TRPV4: variants seen among roughly 807,000 people sequenced by gnomAD.
TRPV4 encodes OSM9-like transient receptor potential channel 4.
A neutral mutation model predicts 84.1 loss-of-function variants in TRPV4; 58 were observed. The ratio of observed to expected loss-of-function variants is 0.69; its 90% CI spans 0.56 to 0.86. The LOEUF (loss-of-function observed/expected upper bound fraction) is 0.86. TRPV4 is among the 40% of genes least tolerant of loss of function. The pLI is 0.00. For missense variants in TRPV4, 879 were observed against 1,181.1 expected (o/e 0.74, Z 3.75); for synonymous variants, 489 against 500.9 (o/e 0.98, Z 0.32).
intron 14 of TRPV4, among the ~76,000 whole-genome samples, chr12:109,785,201 G>A (rs1312708651): frequency 1.3e-5 from 2 of 151,462 alleles, no homozygotes; most frequent in African/African-American, 4.9e-5. Flanking sequence ...TTTTAAAAAC[G>A]TTTTGTAGAG....
At chr12:109,818,943 G>A (rs929049227) in intron 1 of TRPV4, among the ~76,000 whole-genome samples, 5 of 152,092 alleles carry the variant, frequency 3.3e-5, no homozygotes, top group East Asian at 1.9e-4. Flanking sequence ...CTAAGGAAAC[G>A]GAGGCTCTGA....
At chr12:109,805,422 CAG>C (rs1293824338) in intron 3 of TRPV4, among the ~76,000 whole-genome samples, 2 of 152,172 alleles carry the variant, frequency 1.3e-5, no homozygotes, top group Non-Finnish European at 2.9e-5. Context: ...AGCATCTTCC[CAG>C]AGATGAGGTG....
intron 1 of TRPV4, among the ~76,000 whole-genome samples, chr12:109,818,765 C>T (rs1413297336): frequency 6.6e-6 from 1 of 152,088 alleles, no homozygotes; most frequent in East Asian, 1.9e-4. Context: ...ATGATATGGT[C>T]CTGATTTACC....
chr12:109,798,831 G>C lies in TRPV4; in HGVS notation c.935C>G (p.Ala312Gly). The change falls in exon 6 of 16, where the codon GCG becomes GGG. Residue 312 changes from alanine (A) to glycine (G), a missense_variant. Ala to Gly is a moderately conservative substitution (Grantham distance 60). Around this residue, in one of 4 missense-constraint regions of TRPV4, gnomAD observed 521 missense variants for 686.6 expected, o/e 0.76. Transcript: ENST00000261740. The surrounding 1 kb of genome is among the most constrained non-coding windows in gnomAD (Gnocchi z 5.0). ...NYLTENPHKK[A>G]DMRRQDSRGN... ...TCGCGAGTCCTGGCGCCGCATGTCCGCCTTCTTGTGGGGGTTCTCCGTCAG... is the reference window on the plus strand; with the variant it reads ...TCGCGAGTCCTGGCGCCGCATGTCCCCCTTCTTGTGGGGGTTCTCCGTCAG... 1.2e-6 allele frequency: 2 copies of C among 1,614,100 alleles called. No homozygotes were observed. Among genetic ancestry groups the C allele is most frequent in the Non-Finnish European group, 1.7e-6 (2 of 1,180,030 alleles).
intron 4 of TRPV4, among the ~76,000 whole-genome samples, chr12:109,802,453 C>T (rs1405473550): frequency 6.6e-6 from 1 of 151,808 alleles, no homozygotes; most frequent in Admixed American, 6.6e-5. Flanking sequence ...AGGTGCGCAC[C>T]ACCACGCCTG....
At position 109,788,386 on chromosome 12, in the gene TRPV4, C is replaced by A. The variant is rs770836806; in HGVS notation, c.2208+14G>T. On this transcript the variant is annotated intron_variant, in intron 13 of 15. Transcript: ENST00000261740. ...GTGGCTGGTAGAGTGGGGCTGGGGGCCCTGGGGCCTCACCTGCAGCTTCCA... is the reference window on the plus strand; with the variant it reads ...GTGGCTGGTAGAGTGGGGCTGGGGGACCTGGGGCCTCACCTGCAGCTTCCA... The A allele has an allele frequency of 5.6e-6, 9 of 1,610,082 alleles. No homozygotes were observed. Among genetic ancestry groups the A allele is most frequent in the Non-Finnish European group, 7.6e-6 (9 of 1,178,508 alleles).
chr12:109,784,736 C>G (rs1394331462), intron 14 of TRPV4, among the ~76,000 whole-genome samples: 1 of 149,710 alleles, frequency 6.7e-6, no homozygotes, highest in African/African-American at 2.5e-5. Context: ...CCCAGTGACC[C>G]GAGAGGCTGA....
chr12:109,831,890 C>A (rs1335890842), intron 1 of TRPV4, among the ~76,000 whole-genome samples: 1 of 152,260 alleles, frequency 6.6e-6, no homozygotes, highest in Non-Finnish European at 1.5e-5. Flanking sequence ...ATTCACCAAT[C>A]AAGGTGGGTG....
intron 1 of TRPV4, among the ~76,000 whole-genome samples, chr12:109,820,953 C>T (rs562133029): frequency 1.6e-4 from 24 of 152,338 alleles, no homozygotes; most frequent in Middle Eastern, 3.4e-3. Context: ...CTGAGAATCC[C>T]GGATTCAAAG....
intron 2 of TRPV4, among the ~76,000 whole-genome samples, chr12:109,810,087 A>G (rs1207442709): frequency 1.3e-5 from 2 of 152,188 alleles, no homozygotes; most frequent in Admixed American, 1.3e-4. Context: ...AAGGAAGGAA[A>G]CAGACACTAA....
In TRPV4 at chr12:109,814,955, C is replaced by A; in HGVS notation, c.-31-128G>T. The A allele has an allele frequency of 1.1e-6, 1 of 881,908 alleles. No individual in the cohort carries two copies. The highest frequency in any genetic ancestry group is 1.7e-6 in the Non-Finnish European group (1 of 586,638). 54.6% of individuals were successfully genotyped at this position (881,908 alleles called of 1,614,324 possible). ...AAAGCCACCGTTGTAATGACAGGGGCACAGGGAGGCCACTCCCAGATGTGG... is the reference window on the plus strand; with the variant it reads ...AAAGCCACCGTTGTAATGACAGGGGAACAGGGAGGCCACTCCCAGATGTGG... On this transcript the variant is annotated intron_variant, in intron 1 of 15. Coordinates refer to ENST00000261740, the MANE Select transcript of TRPV4 (RefSeq NM_021625.5). The surrounding 1 kb of genome is among the most constrained non-coding windows in gnomAD (Gnocchi z 5.4).
chr12:109,802,588 C>G (rs1170043919), intron 4 of TRPV4, among the ~76,000 whole-genome samples: 3 of 151,140 alleles, frequency 2.0e-5, no homozygotes, highest in Non-Finnish European at 4.4e-5. Context: ...AGGTGTGAGC[C>G]ACCGCACCTG....
chr12:109,786,601 T>A lies in TRPV4; in HGVS notation c.2336+109A>T, dbSNP rs982765615. 20 of 1,458,342 alleles carry A rather than the reference T, an allele frequency of 1.4e-5. No homozygotes were observed. The highest frequency in any genetic ancestry group is 1.7e-5 in the Non-Finnish European group (18 of 1,066,812). The allele number at this position is 1,458,342 out of a possible 1,614,324, so 90.3% of individuals were successfully genotyped here. A position where few individuals can be genotyped will look rare whatever the true frequency, so the allele number is the denominator to read the frequency against. On this transcript the variant is annotated intron_variant, in intron 14 of 15. Transcript: ENST00000261740. The surrounding 1 kb of genome is among the most constrained non-coding windows in gnomAD (Gnocchi z 4.5). ...AACTCTGCTCGGGCCTCTTGGGGCC[T>A]CAGTGGCTCCAGAAATTGCAATGGG...
intron 1 of TRPV4, 51 bp downstream of exon 1, chr12:109,833,299 C>T (rs1306906927): frequency 6.6e-6 from 1 of 152,308 alleles, no homozygotes; most frequent in Non-Finnish European, 1.5e-5. Flanking sequence ...TCCCCAGGGG[C>T]GCGAGGGGAC....
At chr12:109,789,720 G>A (rs1889916413) in intron 12 of TRPV4, among the ~76,000 whole-genome samples, 2 of 152,148 alleles carry the variant, frequency 1.3e-5, no homozygotes, top group South Asian at 2.1e-4. Flanking sequence ...CTGCAACCAG[G>A]GATTAGAGTA....
At chr12:109,790,699 T>C (rs974548669) in intron 12 of TRPV4, among the ~76,000 whole-genome samples, 7 of 150,314 alleles carry the variant, frequency 4.7e-5, no homozygotes, top group African/African-American at 7.4e-5. Context: ...CTGGGCAACA[T>C]AGCAAGACCC....
chr12:109,788,820 C>G, intron 12 of TRPV4, 104 bp from the exon 13 acceptor site: 1 of 1,354,918 alleles, frequency 7.4e-7, no homozygotes, highest in Non-Finnish European at 1.0e-6. Flanking sequence ...GCCTAGTGAG[C>G]GGAGCACGCT....
Position 109,814,898 on chromosome 12 carries a change from C to G in TRPV4, c.-31-71G>C, listed in dbSNP as rs1891773560. ...GGGGGCTCCAGGAAGCCCCCTCCCA[C>G]GTGGACAAGCAGCAGTGCTGCCAGC... On this transcript the variant is annotated intron_variant, in intron 1 of 15. Transcript: ENST00000261740. This position sits in a 1 kb window ranked among gnomAD's most constrained non-coding sequence, Gnocchi z 5.4. The G allele has an allele frequency of 7.0e-7, 1 of 1,425,210 alleles. No individual in the cohort carries two copies. Among genetic ancestry groups the G allele is most frequent in the Non-Finnish European group, 9.5e-7 (1 of 1,054,462 alleles). 88.3% of individuals were successfully genotyped at this position (1,425,210 alleles called of 1,614,324 possible).
chr12:109,792,902 TC>T, intron 10 of TRPV4, 85 bp from the exon 11 acceptor site: 1 of 1,453,064 alleles, frequency 6.9e-7, no homozygotes, highest in Non-Finnish European at 9.5e-7. Context: ...CTCCAAGCCC[TC>T]CAGGGTATCA....
Sources: allele counts gnomAD v4.1 joint callset (sites outside exome capture counted in the v4.1 genomes callset), GRCh38; gene constraint gnomAD v4.1.1; regional missense constraint gnomAD v4.1.1; non-coding constraint Gnocchi (gnomAD v3.1); transcripts MANE v1.5; gene names NCBI Gene and HGNC (gene_info 2026-07-23, HGNC 2026-07-21).